FHIT: variants seen among roughly 807,000 people sequenced by gnomAD.
FHIT encodes the protein bis(5'-adenosyl)-triphosphatase.
Under a neutral mutation model 17.9 loss-of-function variants are expected in FHIT, and 19 were observed. That is an observed-to-expected ratio of 1.06 (90% confidence interval 0.74 to 1.56). The LOEUF is 1.56. Among genes scored for constraint, FHIT ranks in the 40% most tolerant of loss-of-function variants. FHIT has a pLI of 0.00. For synonymous variants in FHIT, 81 were observed against 69.7 expected (o/e 1.16, Z -0.81); for missense variants, 248 against 189.2 (o/e 1.31, Z -1.82).
At chr3:60,961,132 G>C (rs577969611) in intron 3 of FHIT, among the ~76,000 whole-genome samples, 4 of 152,168 alleles carry the variant, frequency 2.6e-5, no homozygotes, top group Non-Finnish European at 5.9e-5. Flanking sequence ...ATTCTAAATG[G>C]TGTGAGATGG....
chr3:60,119,844 C>G (rs1286496264), intron 5 of FHIT, among the ~76,000 whole-genome samples: 2 of 152,142 alleles, frequency 1.3e-5, no homozygotes, highest in Non-Finnish European at 2.9e-5. Flanking sequence ...TCATTAAACA[C>G]ATACTTGATT....
chr3:61,184,953 T>G (rs2038460685), intron 2 of FHIT, among the ~76,000 whole-genome samples: 1 of 152,202 alleles, frequency 6.6e-6, no homozygotes, highest in African/African-American at 2.4e-5. Flanking sequence ...ACAGTTGTAT[T>G]GAAAAATCAA....
intron 5 of FHIT, among the ~76,000 whole-genome samples, chr3:60,497,901 A>C (rs2034366861): frequency 1.3e-5 from 2 of 152,194 alleles, no homozygotes; most frequent in African/African-American, 4.8e-5. Flanking sequence ...CAACCAGTGC[A>C]TAATTTTATT....
chr3:60,724,282 T>C (rs2107970755), intron 4 of FHIT, among the ~76,000 whole-genome samples: 1 of 152,360 alleles, frequency 6.6e-6, no homozygotes, highest in African/African-American at 2.4e-5. Context: ...GTTTTCAAGG[T>C]TCCTCCATGA....
intron 2 of FHIT, among the ~76,000 whole-genome samples, chr3:61,101,564 A>G (rs1391271330): frequency 6.6e-6 from 1 of 151,976 alleles, no homozygotes; most frequent in East Asian, 1.9e-4. Context: ...TTCCATATGA[A>G]CTTTAGTTTT....
chr3:61,214,534 G>C (rs374924333), intron 1 of FHIT, among the ~76,000 whole-genome samples: 1 of 151,414 alleles, frequency 6.6e-6, no homozygotes, highest in Non-Finnish European at 1.5e-5. Context: ...CAACCAAAAA[G>C]AGTCCAGGAC....
chr3:60,183,530 GAC>G (rs1702033203), intron 5 of FHIT, among the ~76,000 whole-genome samples: 1 of 152,158 alleles, frequency 6.6e-6, no homozygotes, highest in African/African-American at 2.4e-5. Context: ...CCCTCAATCA[GAC>G]ACACTTAGAA....
At chr3:60,070,217 A>G (rs1702705274) in intron 5 of FHIT, among the ~76,000 whole-genome samples, 1 of 152,134 alleles carries the variant, frequency 6.6e-6, no homozygotes, top group Admixed American at 6.5e-5. Flanking sequence ...TGACAGTCAT[A>G]TTTACAGAAG....
At chr3:60,823,712 A>G (rs1702014134) in intron 3 of FHIT, among the ~76,000 whole-genome samples, 1 of 152,194 alleles carries the variant, frequency 6.6e-6, no homozygotes, top group Non-Finnish European at 1.5e-5. Context: ...TAAGCCACTC[A>G]GTATATGGTA....
chr3:60,212,363 A>G (rs1703493354), intron 5 of FHIT, among the ~76,000 whole-genome samples: 1 of 152,162 alleles, frequency 6.6e-6, no homozygotes, highest in Non-Finnish European at 1.5e-5. Context: ...AAAACAACTT[A>G]GTATAAAAAC....
intron 3 of FHIT, among the ~76,000 whole-genome samples, chr3:61,014,532 C>A (rs2031971412): frequency 6.6e-6 from 1 of 151,696 alleles, no homozygotes; most frequent in Non-Finnish European, 1.5e-5. Context: ...GCAATCCCAG[C>A]ACTTTGGGAG....
At chr3:59,978,909 G>C (rs1708529806) in intron 7 of FHIT, among the ~76,000 whole-genome samples, 1 of 151,878 alleles carries the variant, frequency 6.6e-6, no homozygotes, top group Non-Finnish European at 1.5e-5. Flanking sequence ...TTCTTCAAAA[G>C]ACAATGTGTC....
chr3:59,981,070 C>CA (rs1467778553), intron 7 of FHIT, among the ~76,000 whole-genome samples: 1 of 152,002 alleles, frequency 6.6e-6, no homozygotes, highest in East Asian at 1.9e-4. Flanking sequence ...ACAACAACCA[C>CA]AAAAAACCCA....
At chr3:60,909,410 C>T (rs1706609592) in intron 3 of FHIT, among the ~76,000 whole-genome samples, 1 of 150,514 alleles carries the variant, frequency 6.6e-6, no homozygotes, top group Admixed American at 6.6e-5. Context: ...AAATGGATGG[C>T]AGCTGCCATA....
intron 5 of FHIT, among the ~76,000 whole-genome samples, chr3:60,185,152 A>C (rs565382258): frequency 1.3e-5 from 2 of 152,264 alleles, no homozygotes; most frequent in South Asian, 4.2e-4. Context: ...TGTTGCTCCC[A>C]CGGTTTATTC....
chr3:60,495,369 T>C (rs1477826284), intron 5 of FHIT, among the ~76,000 whole-genome samples: 1 of 152,192 alleles, frequency 6.6e-6, no homozygotes, highest in African/African-American at 2.4e-5. Context: ...GGTCAAGTAC[T>C]TCATTTCCCA....
chr3:59,838,924 C>T (rs548389709), intron 8 of FHIT, among the ~76,000 whole-genome samples: 152 of 152,202 alleles, frequency 1.0e-3, no homozygotes, highest in African/African-American at 3.3e-3. Context: ...ACCAGAGCTG[C>T]GCTACCTTGA....
At chr3:61,088,205 G>A (rs1234100885) in intron 2 of FHIT, among the ~76,000 whole-genome samples, 1 of 152,060 alleles carries the variant, frequency 6.6e-6, no homozygotes, top group African/African-American at 2.4e-5. Context: ...ACACTGCCCA[G>A]AAAAGAGTTT....
chr3:61,114,739 G>A (rs1356528823), intron 2 of FHIT, among the ~76,000 whole-genome samples: 4 of 152,016 alleles, frequency 2.6e-5, no homozygotes, highest in African/African-American at 7.2e-5. Context: ...TCCCATCCCC[G>A]AGCAGTCCCT....
Sources: gnomAD v4.1 joint callset for allele counts (sites outside exome capture counted in the v4.1 genomes callset) on GRCh38, gnomAD v4.1.1 for gene constraint, MANE v1.5 for transcripts, NCBI Gene and HGNC (gene_info 2026-07-23, HGNC 2026-07-21) for gene names.